PLCH1: variants seen among roughly 807,000 people sequenced by gnomAD.
The protein encoded by PLCH1 is phospholipase C eta 1.
Under a neutral mutation model 126.7 loss-of-function variants are expected in PLCH1, and 60 were observed. The ratio of observed to expected loss-of-function variants is 0.47; its 90% CI spans 0.38 to 0.59. The LOEUF (loss-of-function observed/expected upper bound fraction) is 0.59, where lower values mean the gene tolerates loss of function less well. Among genes scored for constraint, PLCH1 ranks in the 20% least tolerant of loss-of-function variants. The probability of loss-of-function intolerance (pLI) is 0.00; values close to 1 mark genes in which losing one functional copy is unlikely to be tolerated. For synonymous variants in PLCH1, 719 were observed against 734.9 expected (o/e 0.98, Z 0.35); for missense variants, 1,723 against 2,040.0 (o/e 0.84, Z 2.99).
At chr3:155,670,435 C>T (rs1254208560) in intron 2 of PLCH1, among the ~76,000 whole-genome samples, 1 of 152,086 alleles carries the variant, frequency 6.6e-6, no homozygotes, top group Non-Finnish European at 1.5e-5. Flanking sequence ...AGACGAAAAC[C>T]TTATGTAACA....
intron 2 of PLCH1, among the ~76,000 whole-genome samples, chr3:155,600,637 T>C (rs563016667): frequency 6.6e-6 from 1 of 151,062 alleles, no homozygotes; most frequent in Non-Finnish European, 1.5e-5. Context: ...TTGGATACAA[T>C]GCAGCAACAT....
intron 10 of PLCH1, among the ~76,000 whole-genome samples, chr3:155,531,553 A>C (rs1458317960): frequency 1.3e-5 from 2 of 152,242 alleles, no homozygotes; most frequent in Non-Finnish European, 2.9e-5. Flanking sequence ...TGAACCCAGG[A>C]GGTAGAAGTT....
At position 155,482,909 on chromosome 3, in the gene PLCH1, G is replaced by T. The variant is rs758338008; in HGVS notation, c.3117C>A (p.Ala1039=). ...TSQGDTIVST[A]HMSVTGEQLG... ...GCTGTTCTCCTGTGACTGACATGTG[G>T]GCAGTAGATACAATGGTGTCCCCTT... is the stretch of plus-strand genomic sequence containing the variant. Residue 1039 remains alanine (A), a synonymous_variant, in exon 23 of 23, where the codon GCC becomes GCA. Coordinates refer to ENST00000460012, the MANE Select transcript of PLCH1 (RefSeq NM_014996.4). 1 of 1,614,120 alleles carries T rather than the reference G, an allele frequency of 6.2e-7. No homozygotes were observed. The highest frequency in any genetic ancestry group is 1.1e-5 in the South Asian group (1 of 91,064).
intron 2 of PLCH1, among the ~76,000 whole-genome samples, chr3:155,657,409 A>C (rs1206102573): frequency 1.3e-5 from 2 of 152,184 alleles, no homozygotes; most frequent in Non-Finnish European, 2.9e-5. Context: ...ACTACAGTTC[A>C]CAGGACAGGT....
At chr3:155,669,275 T>A (rs983683221) in intron 2 of PLCH1, among the ~76,000 whole-genome samples, 1 of 152,166 alleles carries the variant, frequency 6.6e-6, no homozygotes, top group African/African-American at 2.4e-5. Context: ...CACATTTTTT[T>A]AAATAAAATA....
intron 4 of PLCH1, among the ~76,000 whole-genome samples, chr3:155,587,307 A>G (rs539525450): frequency 6.6e-6 from 1 of 152,336 alleles, no homozygotes; most frequent in African/African-American, 2.4e-5. Flanking sequence ...ACCCCATGGT[A>G]CATGATCTTT....
intron 2 of PLCH1, among the ~76,000 whole-genome samples, chr3:155,600,641 G>GCAA (rs1334072052): frequency 2.6e-5 from 4 of 150,946 alleles, no homozygotes; most frequent in Non-Finnish European, 5.9e-5. Context: ...ATACAATGCA[G>GCAA]CAACATCTAC....
At chr3:155,744,345 T>C (rs1749834323) in intron 1 of PLCH1, among the ~76,000 whole-genome samples, 1 of 152,156 alleles carries the variant, frequency 6.6e-6, no homozygotes, top group Non-Finnish European at 1.5e-5. Context: ...ACCTAGTCTC[T>C]AAGAGGTCCT....
downstream of PLCH1, among the ~76,000 whole-genome samples, chr3:155,478,074 A>G (rs1055312341): frequency 2.2e-4 from 34 of 152,158 alleles, no homozygotes; most frequent in African/African-American, 8.0e-4. Flanking sequence ...CCATAAAAAG[A>G]ATGAGATCGT....
chr3:155,494,621 G>C (rs528509702), intron 15 of PLCH1, 104 bp from the exon 16 acceptor site: 517 of 895,248 alleles, frequency 5.8e-4, no homozygotes, highest in Non-Finnish European at 8.3e-4. Flanking sequence ...ATAGCAAAAA[G>C]CAGAGCACTA....
downstream of PLCH1, among the ~76,000 whole-genome samples, chr3:155,475,883 A>G (rs150598999): frequency 6.6e-6 from 1 of 152,298 alleles, no homozygotes; most frequent in African/African-American, 2.4e-5. Context: ...TCTACCAAAC[A>G]TTTAAAGAAT....
rs754987515 is a variant in PLCH1 at position 155,485,387 on chromosome 3, T to C, written c.2943A>G (p.Ala981=). 6.8e-6 allele frequency: 11 copies of C among 1,606,506 alleles called. No homozygotes were observed. Among genetic ancestry groups the C allele is most frequent in the Non-Finnish European group, 8.5e-6 (10 of 1,173,456 alleles). ...AGTTTTCTTTTCCTTCAATGTCTTT[T>C]GCTGTTTCAGATACAGGCAGCGACA... ...GALSLPVSET[A]KDIEGKENSL... The change falls in exon 22 of 23, where the codon GCA becomes GCG. Residue 981 remains alanine, a synonymous_variant. Coordinates refer to ENST00000460012, the MANE Select transcript of PLCH1 (RefSeq NM_014996.4).
intron 10 of PLCH1, among the ~76,000 whole-genome samples, chr3:155,539,520 A>T (rs1387450314): frequency 6.6e-6 from 1 of 152,212 alleles, no homozygotes; most frequent in Non-Finnish European, 1.5e-5. Flanking sequence ...AGGCTCATCC[A>T]AAAAGCTCCT....
In PLCH1 at chr3:155,492,669, T is replaced by C. The variant is rs1716400220; in HGVS notation, c.2307+60A>G. 1.4e-5 allele frequency: 20 copies of C among 1,432,182 alleles called. 1 individual carries two copies. In the South Asian group the frequency reaches 3.0e-4, roughly 22 times the overall value. The allele number at this position is 1,432,182 out of a possible 1,614,324, so 88.7% of individuals were successfully genotyped here. A position where few individuals can be genotyped will look rare whatever the true frequency, so the allele number is the denominator to read the frequency against. ...CTCTGAAGACATTTCGGATAAAATG[T>C]AAATGCACTAAGATAATCACATAAT... On this transcript the variant is annotated intron_variant, in intron 18 of 22. Transcript: ENST00000460012.
chr3:155,601,518 T>C (rs1733734877), intron 2 of PLCH1, among the ~76,000 whole-genome samples: 2 of 152,040 alleles, frequency 1.3e-5, no homozygotes, highest in East Asian at 3.9e-4. Context: ...ATATGATTAG[T>C]ATATGTCATT....
At chr3:155,636,763 G>A (rs1300245379) in intron 2 of PLCH1, among the ~76,000 whole-genome samples, 1 of 131,934 alleles carries the variant, frequency 7.6e-6, no homozygotes, top group Admixed American at 7.8e-5. Flanking sequence ...AAAAAAATTA[G>A]ATTTTGTGTC....
intron 21 of PLCH1, among the ~76,000 whole-genome samples, chr3:155,451,539 G>C (rs1242951335): frequency 6.6e-6 from 1 of 152,200 alleles, no homozygotes; most frequent in African/African-American, 2.4e-5. Flanking sequence ...GAATGTCTAT[G>C]TGGGTATTTC....
At chr3:155,458,558 AAAAGAAAGAAAG>A (rs67516588) in intron 21 of PLCH1, among the ~76,000 whole-genome samples, 26 of 128,382 alleles carry the variant, frequency 2.0e-4, no homozygotes, top group East Asian at 4.8e-4. Context: ...AAGAAAGAGA[AAAAGAAAGAAAG>A]AAAGAAAGAA....
intron 8 of PLCH1, among the ~76,000 whole-genome samples, chr3:155,563,859 T>C (rs1471892314): frequency 6.6e-6 from 1 of 152,136 alleles, no homozygotes; most frequent in African/African-American, 2.4e-5. Flanking sequence ...TACCTCGCAC[T>C]TCATTCTCTA....
Sources: allele counts gnomAD v4.1 joint callset (sites outside exome capture counted in the v4.1 genomes callset), GRCh38; gene constraint gnomAD v4.1.1; transcripts MANE v1.5; gene names NCBI Gene and HGNC (gene_info 2026-07-23, HGNC 2026-07-21).